Variants in ULK2 observed in about 807,000 individuals in gnomAD.
ULK2 encodes unc-51 like autophagy activating kinase 2.
ULK2 carries 76 observed loss-of-function variants against 127.5 expected under a neutral mutation model. That is an observed-to-expected ratio of 0.60 (90% CI 0.50 to 0.72). The LOEUF is 0.72. ULK2 is among the 30% of genes least tolerant of loss of function. ULK2 has a pLI of 0.00. For synonymous variants in ULK2, 452 were observed against 461.9 expected (o/e 0.98, Z 0.28); for missense variants, 1,144 against 1,295.9 (o/e 0.88, Z 1.80).
intron 22 of ULK2, among the ~76,000 whole-genome samples, chr17:19,782,846 G>A (rs957080478): frequency 1.3e-5 from 2 of 152,160 alleles, no homozygotes; most frequent in Non-Finnish European, 1.5e-5. Context: ...AACCCAGGAG[G>A]TGGAAGTTAG....
At chr17:19,784,479 A>C (rs1282657847) in intron 21 of ULK2, among the ~76,000 whole-genome samples, 2 of 147,000 alleles carry the variant, frequency 1.4e-5, no homozygotes, top group African/African-American at 5.1e-5. Context: ...AAGCACATAG[A>C]TCCTACTAAA....
intron 3 of ULK2, among the ~76,000 whole-genome samples, chr17:19,862,686 G>A (rs575204092): frequency 6.9e-4 from 105 of 151,986 alleles, no homozygotes; most frequent in African/African-American, 1.7e-3. Context: ...GGCTGGTCTC[G>A]AACTCCCAAC....
chr17:19,841,984 T>C (rs1189244066), intron 8 of ULK2, among the ~76,000 whole-genome samples: 1 of 151,954 alleles, frequency 6.6e-6, no homozygotes, highest in Non-Finnish European at 1.5e-5. Flanking sequence ...AGGTACATTA[T>C]TGTTGGGTAA....
At position 19,797,476 on chromosome 17, in the gene ULK2, T is replaced by G. The variant is rs767749774; in HGVS notation, c.1729A>C (p.Lys577Gln). ...RPGSLGTSPT[K>Q]HLGSSPRSSD... The stretch of plus-strand genomic sequence containing the variant: ...CTCCGTGGAGAGGACCCCAAGTGCT[T>G]GGTGGGAGAAGTTCCAAGGCTGCCA... The change falls in exon 18 of 27, where the codon AAG becomes CAG. Residue 577 changes from lysine (K) to glutamine (Q), a missense_variant. Physicochemically the swap from Lys to Gln is moderately conservative, Grantham distance 53. Transcript: ENST00000395544. The G allele has an allele frequency of 6.2e-7, 1 of 1,613,864 alleles. No individual in the cohort carries two copies. Among genetic ancestry groups the G allele is most frequent in the South Asian group, 1.1e-5 (1 of 91,058 alleles).
intron 26 of ULK2, 100 bp from the exon 27 acceptor site, chr17:19,776,507 T>G: frequency 9.3e-7 from 1 of 1,077,308 alleles, no homozygotes. Context: ...CTGAATATGT[T>G]TTCTTCTTTC....
chr17:19,839,574 A>G (rs574357494), intron 9 of ULK2, among the ~76,000 whole-genome samples: 1 of 150,992 alleles, frequency 6.6e-6, no homozygotes, highest in African/African-American at 2.4e-5. Flanking sequence ...AGGCAGGAGA[A>G]TGGCTTGAAA....
intron 3 of ULK2, among the ~76,000 whole-genome samples, chr17:19,862,448 G>A (rs2042262765): frequency 6.6e-6 from 1 of 151,708 alleles, no homozygotes; most frequent in South Asian, 2.1e-4. Flanking sequence ...GTTATGATAT[G>A]ACCACATGAA....
chr17:19,816,616 A>C (rs2040995456), intron 13 of ULK2, 133 bp downstream of exon 13: 24 of 774,812 alleles, frequency 3.1e-5, no homozygotes, highest in Non-Finnish European at 4.2e-5. Context: ...TAATTCTGAG[A>C]ATTCAAACAA....
intron 12 of ULK2, among the ~76,000 whole-genome samples, chr17:19,821,031 G>A (rs2041129006): frequency 6.6e-6 from 1 of 152,166 alleles, no homozygotes; most frequent in Non-Finnish European, 1.5e-5. Flanking sequence ...AATAGGCCAG[G>A]CGAGGAGGCT....
intron 14 of ULK2, among the ~76,000 whole-genome samples, chr17:19,807,628 A>C (rs2087541218): frequency 6.6e-6 from 1 of 152,204 alleles, no homozygotes; most frequent in African/African-American, 2.4e-5. Flanking sequence ...TAGGAAGAGA[A>C]GCCAAAAAGG....
At chr17:19,845,475 C>T in intron 6 of ULK2, 98 bp from the exon 7 acceptor site, 2 of 918,114 alleles carry the variant, frequency 2.2e-6, no homozygotes, top group South Asian at 1.5e-5. Context: ...GCACAAAGGA[C>T]TGTGAAAAAT....
intron 10 of ULK2, among the ~76,000 whole-genome samples, chr17:19,827,524 A>G (rs2041324509): frequency 6.6e-6 from 1 of 152,234 alleles, no homozygotes; most frequent in Non-Finnish European, 1.5e-5. Flanking sequence ...TAAAAACTAC[A>G]AGATCAGGGT....
intron 10 of ULK2, among the ~76,000 whole-genome samples, chr17:19,833,898 T>C (rs888244009): frequency 2.0e-5 from 3 of 152,188 alleles, no homozygotes; most frequent in Non-Finnish European, 4.4e-5. Context: ...ATGAATATTT[T>C]AAGAAATGAT....
Position 19,843,202 on chromosome 17 carries a change from A to C in ULK2, c.564T>G (p.Ser188=). 2 of 1,584,354 alleles carry C rather than the reference A, an allele frequency of 1.3e-6. No individual in the cohort carries two copies. Among genetic ancestry groups the C allele is most frequent in the East Asian group, 2.3e-5 (1 of 43,932 alleles). ...AGTCAGCCTTAGCATCATAATGTTG[A>C]GACATAATAACCTCAGGAGCCTGGG... ...PMYMAPEVIM[S]QHYDAKADLW... Residue 188 remains serine, a synonymous_variant, in exon 8 of 27, where the codon TCT becomes TCG. Coordinates refer to ENST00000395544, the MANE Select transcript of ULK2 (RefSeq NM_014683.4).
At chr17:19,814,411 CATATATATAT>C (rs35552728) in intron 13 of ULK2, among the ~76,000 whole-genome samples, 2 of 36,534 alleles carry the variant, frequency 5.5e-5, no homozygotes, top group African/African-American at 2.4e-4. Context: ...TTATTATATA[CATATATATAT>C]ATATATATAT....
intron 3 of ULK2, among the ~76,000 whole-genome samples, chr17:19,863,139 G>A (rs970935036): frequency 3.3e-5 from 5 of 151,638 alleles, no homozygotes; most frequent in African/African-American, 4.8e-5. Flanking sequence ...GCTTTAACCC[G>A]GGGGGGCAGA....
intron 10 of ULK2, among the ~76,000 whole-genome samples, chr17:19,830,807 C>T (rs756301573): frequency 6.6e-6 from 1 of 151,964 alleles, no homozygotes; most frequent in African/African-American, 2.4e-5. Flanking sequence ...GCAGCCTGAT[C>T]GCTTGAGAAC....
At chr17:19,781,784 T>G (rs1337190050) in intron 23 of ULK2, 105 bp downstream of exon 23, 3 of 1,311,748 alleles carry the variant, frequency 2.3e-6, no homozygotes, top group Non-Finnish European at 3.1e-6. Context: ...CTCCTAGCTT[T>G]TAATAATGAG....
At chr17:19,792,024 A>C (rs900016550) in intron 20 of ULK2, among the ~76,000 whole-genome samples, 3 of 152,134 alleles carry the variant, frequency 2.0e-5, no homozygotes, top group African/African-American at 7.2e-5. Context: ...AATTTCTTGA[A>C]ACAAATAATA....
Sources: gnomAD v4.1 joint callset for allele counts (sites outside exome capture counted in the v4.1 genomes callset) on GRCh38, gnomAD v4.1.1 for gene constraint, MANE v1.5 for transcripts, NCBI Gene and HGNC (gene_info 2026-07-23, HGNC 2026-07-21) for gene names.